The following PTPRT variants were observed in gnomAD, a reference collection of about 807,000 sequenced individuals.
PTPRT encodes receptor-type tyrosine-protein phosphatase T.
Under a neutral mutation model 176.8 loss-of-function variants are expected in PTPRT, and 56 were observed. The ratio of observed to expected loss-of-function variants is 0.32; its 90% CI spans 0.26 to 0.40. The LOEUF is 0.40. Ranked by LOEUF, PTPRT falls within the 10% of genes least tolerant of loss-of-function variation. The probability of loss-of-function intolerance (pLI) is 1.00; values close to 1 mark genes in which losing one functional copy is unlikely to be tolerated. For synonymous variants in PTPRT, 783 were observed against 739.0 expected, an observed-to-expected ratio of 1.06 and a Z score of -0.96; for missense variants, 1,540 against 1,908.2, an observed-to-expected ratio of 0.81 and a Z score of 3.60.
intron 2 of PTPRT, among the ~76,000 whole-genome samples, chr20:42,800,639 C>G (rs1218381781): frequency 6.6e-6 from 1 of 152,202 alleles, no homozygotes; most frequent in Non-Finnish European, 1.5e-5. Context: ...TCCAATTACA[C>G]TCACAGAATG....
At chr20:42,359,240 G>A (rs1178279027) in intron 9 of PTPRT, among the ~76,000 whole-genome samples, 1 of 152,168 alleles carries the variant, frequency 6.6e-6, no homozygotes, top group Non-Finnish European at 1.5e-5. Flanking sequence ...AATGACCAGA[G>A]GAACAACACC....
At chr20:42,797,488 C>T (rs2077468588) in intron 2 of PTPRT, among the ~76,000 whole-genome samples, 1 of 152,106 alleles carries the variant, frequency 6.6e-6, no homozygotes. Flanking sequence ...TGGAGCCTTA[C>T]ACATCCTGAC....
At chr20:42,573,736 C>CCTTT (rs1473150764) in intron 7 of PTPRT, among the ~76,000 whole-genome samples, 2 of 135,408 alleles carry the variant, frequency 1.5e-5, no homozygotes, top group African/African-American at 5.5e-5. Flanking sequence ...CAAGACGGAC[C>CCTTT]CTTTCTTTCT....
intron 1 of PTPRT, among the ~76,000 whole-genome samples, chr20:43,006,484 G>A (rs1330330819): frequency 6.6e-6 from 1 of 152,110 alleles, no homozygotes; most frequent in African/African-American, 2.4e-5. Flanking sequence ...CCTCTGTAGT[G>A]TCTGCTCTGG....
chr20:42,879,486 T>C (rs1466844418), intron 2 of PTPRT, among the ~76,000 whole-genome samples: 3 of 152,226 alleles, frequency 2.0e-5, no homozygotes, highest in African/African-American at 4.8e-5. Context: ...GACCTCATCC[T>C]AATTTGATCA....
chr20:42,432,397 T>C (rs2059222859), intron 9 of PTPRT, among the ~76,000 whole-genome samples: 1 of 152,212 alleles, frequency 6.6e-6, no homozygotes, highest in African/African-American at 2.4e-5. Context: ...TTTGGTACTT[T>C]TGTAAACTAA....
intron 17 of PTPRT, among the ~76,000 whole-genome samples, chr20:42,157,725 G>A (rs916484298): frequency 6.6e-6 from 1 of 152,140 alleles, no homozygotes; most frequent in African/African-American, 2.4e-5. Flanking sequence ...CCTAGAAAGT[G>A]GGGAGTTTTT....
intron 1 of PTPRT, among the ~76,000 whole-genome samples, chr20:42,993,831 C>T (rs1984083781): frequency 6.6e-6 from 1 of 151,946 alleles, no homozygotes; most frequent in Admixed American, 6.6e-5. Context: ...TACCTCTCTG[C>T]TTGGTGATTG....
intron 1 of PTPRT, among the ~76,000 whole-genome samples, chr20:43,126,242 T>C (rs2013433673): frequency 6.6e-6 from 1 of 151,850 alleles, no homozygotes; most frequent in East Asian, 1.9e-4. Context: ...TCCCAGCTAC[T>C]TGGGAGGCTG....
chr20:42,700,628 GAGCAGCCAAGAAA>G (rs907688132), intron 6 of PTPRT, among the ~76,000 whole-genome samples: 23 of 152,198 alleles, frequency 1.5e-4, no homozygotes, highest in African/African-American at 4.1e-4. Context: ...TCGTTAACAG[GAGCAGCCAAGAAA>G]AGCACAAAAG....
Position 42,461,145 on chromosome 20 carries a change from C to T in PTPRT, c.1450+11121G>A, listed in dbSNP as rs148148888. ...GAGTTCGATACCAGCCTGACCAACA[C>T]GGAGAAACCCTGTCCCTACTAAAAA... On this transcript the variant is annotated intron_variant, in intron 8 of 30. Coordinates refer to ENST00000373187, the MANE Select transcript of PTPRT (RefSeq NM_007050.6). 9.9e-4 allele frequency among the ~76,000 whole-genome samples: 150 copies of T among 152,216 alleles called. 1 individual carries two copies. The highest frequency in any genetic ancestry group is 3.4e-3 in the African/African-American group (142 of 41,550).
chr20:42,123,052 C>G (rs1189175722), intron 19 of PTPRT, among the ~76,000 whole-genome samples: 1 of 152,156 alleles, frequency 6.6e-6, no homozygotes, highest in Non-Finnish European at 1.5e-5. Context: ...CCTTTCTCCT[C>G]CTGGGACATG....
At chr20:42,350,227 T>TGTTTGTTTG (rs1175946910) in intron 11 of PTPRT, among the ~76,000 whole-genome samples, 3 of 115,220 alleles carry the variant, frequency 2.6e-5, no homozygotes, top group African/African-American at 1.2e-4. Flanking sequence ...TTTTTTTTTT[T>TGTTTGTTTG]TTTTTTTTTT....
chr20:42,870,472 G>A (rs2078825468), intron 2 of PTPRT, among the ~76,000 whole-genome samples: 1 of 152,316 alleles, frequency 6.6e-6, no homozygotes, highest in Non-Finnish European at 1.5e-5. Flanking sequence ...TAACGAGTGT[G>A]TAAATATATT....
intron 7 of PTPRT, among the ~76,000 whole-genome samples, chr20:42,595,156 T>G (rs2145771452): frequency 1.3e-5 from 2 of 152,096 alleles, no homozygotes; most frequent in South Asian, 4.2e-4. Flanking sequence ...AAAAGAATCT[T>G]GGGCACGGGG....
chr20:42,129,334 T>A (rs372398758), intron 18 of PTPRT, among the ~76,000 whole-genome samples: 1 of 152,192 alleles, frequency 6.6e-6, no homozygotes, highest in South Asian at 2.1e-4. Context: ...AATACTATCA[T>A]TAAAGTGAGG....
At chr20:43,181,296 G>T (rs756957505) in intron 1 of PTPRT, among the ~76,000 whole-genome samples, 1 of 152,208 alleles carries the variant, frequency 6.6e-6, no homozygotes, top group Non-Finnish European at 1.5e-5. Flanking sequence ...AAGAAATAGT[G>T]AGACGATAAA....
chr20:42,111,300 T>TG (rs1986979826), intron 22 of PTPRT, among the ~76,000 whole-genome samples: 1 of 151,946 alleles, frequency 6.6e-6, no homozygotes, highest in African/African-American at 2.4e-5. Context: ...TCTGTTTGAT[T>TG]ATTCATTCAT....
chr20:42,287,853 G>A lies in PTPRT; in HGVS notation c.2140-5328C>T, dbSNP rs191399065. Among the ~76,000 whole-genome samples the A allele has an allele frequency of 3.4e-3, 522 of 151,740 alleles. 2 individuals carry two copies. The highest frequency in any genetic ancestry group is 0.012 in the African/African-American group (501 of 41,416). On this transcript the variant is annotated intron_variant, in intron 12 of 30. Coordinates refer to ENST00000373187, the MANE Select transcript of PTPRT (RefSeq NM_007050.6). ...CCATAAATATTTACAATTAGTATAC[G>A]TTAAAAACATAAAAAGAAAAAATTC... is the stretch of plus-strand genomic sequence containing the variant.
Sources: allele counts gnomAD v4.1 joint callset (sites outside exome capture counted in the v4.1 genomes callset), GRCh38; gene constraint gnomAD v4.1.1; transcripts MANE v1.5; gene names NCBI Gene and HGNC (gene_info 2026-07-23, HGNC 2026-07-21).